USP13: variants seen among roughly 807,000 people sequenced by gnomAD.
USP13 encodes the protein ubiquitin carboxyl-terminal hydrolase 13.
A neutral mutation model predicts 107.8 loss-of-function variants in USP13; 68 were observed. The ratio of observed to expected loss-of-function variants is 0.63; its 90% CI spans 0.52 to 0.77. The LOEUF (loss-of-function observed/expected upper bound fraction) is 0.77. USP13 is among the 30% of genes least tolerant of loss of function. USP13 has a pLI of 0.00. For missense variants in USP13, 945 were observed against 1,093.3 expected, an observed-to-expected ratio of 0.86 and a Z score of 1.91; for synonymous variants, 377 against 389.5, an observed-to-expected ratio of 0.97 and a Z score of 0.38.
At chr3:179,707,614 G>T (rs1453016436) in intron 5 of USP13, among the ~76,000 whole-genome samples, 1 of 152,114 alleles carries the variant, frequency 6.6e-6, no homozygotes, top group Non-Finnish European at 1.5e-5. Flanking sequence ...TCACCTCCCG[G>T]ACAAGCCATT....
At chr3:179,684,800 T>C (rs1391441942) in intron 2 of USP13, among the ~76,000 whole-genome samples, 1 of 151,784 alleles carries the variant, frequency 6.6e-6, no homozygotes, top group Admixed American at 6.6e-5. Context: ...TCTGATGCTG[T>C]GGTTGAAGCC....
At chr3:179,777,430 CCT>C (rs201528563) in intron 19 of USP13, among the ~76,000 whole-genome samples, 1 of 146,020 alleles carries the variant, frequency 6.8e-6, no homozygotes, top group Non-Finnish European at 1.5e-5. Context: ...GGTATTGTAT[CCT>C]CTCTCTCTCT....
chr3:179,735,880 T>G (rs1713978445), intron 10 of USP13, among the ~76,000 whole-genome samples: 2 of 152,008 alleles, frequency 1.3e-5, no homozygotes, highest in Admixed American at 1.3e-4. Context: ...GAAAAAATAA[T>G]AATAAAATAA....
intron 6 of USP13, among the ~76,000 whole-genome samples, chr3:179,717,658 C>T (rs1713155100): frequency 3.4e-5 from 1 of 29,216 alleles, no homozygotes; most frequent in Non-Finnish European, 1.2e-4. Flanking sequence ...CTAGGGAGTG[C>T]CATTTTCACC....
Position 179,757,053 on chromosome 3 carries a change from T to C in USP13, c.1923T>C (p.Asp641=). The C allele has an allele frequency of 6.2e-7, 1 of 1,614,098 alleles. No individual in the cohort carries two copies. Among genetic ancestry groups the C allele is most frequent in the Non-Finnish European group, 8.5e-7 (1 of 1,179,966 alleles). Reference sequence around the variant, plus strand: ...TCTGTCCTCTCCCTTAATTTCCAGATCGCCTGATGAACCAATTGATAGACC... The same window carrying C: ...TCTGTCCTCTCCCTTAATTTCCAGACCGCCTGATGAACCAATTGATAGACC... The part of the protein sequence containing the change: ...PPIVIPDDSK[D]RLMNQLIDPS... The change falls in exon 16 of 21, where the codon GAT becomes GAC. Residue 641 remains aspartate (D), a splice_region_variant and synonymous_variant. Transcript: ENST00000263966.
intron 1 of USP13, among the ~76,000 whole-genome samples, chr3:179,662,326 C>T (rs573084617): frequency 6.7e-4 from 102 of 152,254 alleles, no homozygotes; most frequent in African/African-American, 2.4e-3. Flanking sequence ...CTGACGGCTA[C>T]ATAGAAAACC....
chr3:179,754,668 G>A lies in USP13; in HGVS notation c.1799-64G>A, dbSNP rs191586891. On this transcript the variant is annotated intron_variant, in intron 14 of 20. Coordinates refer to ENST00000263966, the MANE Select transcript of USP13 (RefSeq NM_003940.3). ...CTAGACACATGCATGTAGAGTTATA[G>A]TGCTGGTATTATAATAAGGTGATTA... 30 of 1,564,816 alleles carry A rather than the reference G, an allele frequency of 1.9e-5. No individual in the cohort carries two copies. In the East Asian group the frequency reaches 6.0e-4, roughly 31 times the overall value.
chr3:179,743,131 T>A (rs1025938222), intron 12 of USP13, among the ~76,000 whole-genome samples: 2 of 152,082 alleles, frequency 1.3e-5, no homozygotes, highest in Admixed American at 6.5e-5. Context: ...GAAGCCCTCA[T>A]CCTCAGCAAA....
chr3:179,761,264 C>T lies in USP13; in HGVS notation c.2092+9C>T, dbSNP rs770104963. On this transcript the variant is annotated intron_variant, in intron 17 of 20. Transcript: ENST00000263966. ...TCACATGGAAGAGCCAGGTAGGTGGCGAGAAAATGGAATGGCTTTGGAGTC... is the reference window on the plus strand; with the variant it reads ...TCACATGGAAGAGCCAGGTAGGTGGTGAGAAAATGGAATGGCTTTGGAGTC... 125 of 1,613,778 alleles carry T rather than the reference C, an allele frequency of 7.7e-5. No homozygotes were observed. The highest frequency in any genetic ancestry group is 1.2e-4 in the African/African-American group (9 of 74,978).
In USP13 at chr3:179,765,790, T is replaced by C. The variant is rs757750304; in HGVS notation, c.2355T>C (p.Asn785=). ...DFVIEMENNA[N]ANIISEAKPE... Reference sequence around the variant, plus strand: ...TGATTGAGATGGAGAATAATGCCAATGCAAACATTATTTCTGAGGCCAAGC... The same window carrying C: ...TGATTGAGATGGAGAATAATGCCAACGCAAACATTATTTCTGAGGCCAAGC... The change falls in exon 19 of 21, where the codon AAT becomes AAC. Residue 785 remains asparagine, a synonymous_variant. Transcript: ENST00000263966. 5 of 1,614,150 alleles carry C rather than the reference T, an allele frequency of 3.1e-6. No homozygotes were observed. The highest frequency in any genetic ancestry group is 1.6e-4 in the Middle Eastern group (1 of 6,062).
intron 4 of USP13, among the ~76,000 whole-genome samples, chr3:179,702,186 T>A (rs9838032): frequency 0.86 from 130,306 of 152,054 alleles, 56,771 homozygotes; most frequent in Non-Finnish European, 0.94. Context: ...CGCCTAGAGA[T>A]TTTTTTGTAT....
At chr3:179,771,373 C>T (rs1051421933) in intron 19 of USP13, among the ~76,000 whole-genome samples, 1 of 152,194 alleles carries the variant, frequency 6.6e-6, no homozygotes, top group African/African-American at 2.4e-5. Flanking sequence ...GGGCCTCACT[C>T]CTAGAACCTG....
At chr3:179,774,141 A>G (rs1017980139) in intron 19 of USP13, among the ~76,000 whole-genome samples, 2 of 152,192 alleles carry the variant, frequency 1.3e-5, no homozygotes, top group South Asian at 4.1e-4. Context: ...GTGGCAAGAG[A>G]GAGAACAAGC....
chr3:179,657,930 C>A (rs1190607307), intron 1 of USP13, among the ~76,000 whole-genome samples: 1 of 152,034 alleles, frequency 6.6e-6, no homozygotes, highest in Non-Finnish European at 1.5e-5. Context: ...GCATGGAAAT[C>A]TCCTCTCATC....
At chr3:179,728,124 T>G (rs902703702) in intron 8 of USP13, among the ~76,000 whole-genome samples, 2 of 110,830 alleles carry the variant, frequency 1.8e-5, no homozygotes, top group Non-Finnish European at 4.0e-5. Context: ...GCAGAGGGGC[T>G]CCTCACTTCC....
intron 10 of USP13, among the ~76,000 whole-genome samples, chr3:179,733,922 TTTTGATCACC>T (rs1345818550): frequency 6.6e-6 from 1 of 152,180 alleles, no homozygotes; most frequent in African/African-American, 2.4e-5. Context: ...GAGTCTGTGT[TTTTGATCACC>T]GCATTATCCT....
intron 3 of USP13, among the ~76,000 whole-genome samples, chr3:179,691,247 A>C (rs1712108740): frequency 6.6e-6 from 1 of 151,702 alleles, no homozygotes; most frequent in Non-Finnish European, 1.5e-5. Context: ...TTCAGATTTC[A>C]TAATTTTTCT....
At chr3:179,740,527 T>G (rs750748657) in intron 11 of USP13, among the ~76,000 whole-genome samples, 155 bp downstream of exon 11, 4 of 152,180 alleles carry the variant, frequency 2.6e-5, no homozygotes, top group Non-Finnish European at 5.9e-5. Flanking sequence ...CTGGAAACTC[T>G]CTGCTCAGCC....
At position 179,742,164 on chromosome 3, in the gene USP13, A is replaced by G. The variant is rs775952035; in HGVS notation, c.1381-33A>G. 1.4e-5 allele frequency: 22 copies of G among 1,613,632 alleles called. No individual in the cohort carries two copies. In the East Asian group the frequency reaches 4.7e-4, roughly 34 times the overall value. On this transcript the variant is annotated intron_variant, in intron 11 of 20. Transcript: ENST00000263966. This position sits in a 1 kb window ranked among gnomAD's most constrained non-coding sequence, Gnocchi z 5.0. ...TAAGTCTTAGTGGCTCAATATTCAT[A>G]CATTTACTAACCTGATACAATCCAT...
Sources: allele counts gnomAD v4.1 joint callset (sites outside exome capture counted in the v4.1 genomes callset), GRCh38; gene constraint gnomAD v4.1.1; non-coding constraint Gnocchi (gnomAD v3.1); transcripts MANE v1.5; gene names NCBI Gene and HGNC (gene_info 2026-07-23, HGNC 2026-07-21).